DOP1B: variants seen among roughly 807,000 people sequenced by gnomAD.
DOP1B encodes the protein DOP1 leucine zipper like protein B.
A neutral mutation model predicts 233.5 loss-of-function variants in DOP1B; 174 were observed. That is an observed-to-expected ratio of 0.75 (90% CI 0.66 to 0.85). The LOEUF (loss-of-function observed/expected upper bound fraction) is 0.85. Among genes scored for constraint, DOP1B ranks in the 40% least tolerant of loss-of-function variants. The pLI is 0.00. For synonymous variants in DOP1B, 1,190 were observed against 1,185.6 expected (o/e 1.00, Z -0.08); for missense variants, 2,652 against 2,846.6 (o/e 0.93, Z 1.56).
chr21:36,280,507 A>G (rs531217286), intron 31 of DOP1B, among the ~76,000 whole-genome samples, 161 bp downstream of exon 31: 3 of 152,334 alleles, frequency 2.0e-5, no homozygotes, highest in African/African-American at 4.8e-5. Flanking sequence ...GACTAAATCA[A>G]TGAGTCTTTT....
rs117826994 is a variant in DOP1B, at chr21:36,271,932, G to T, written c.5632+1775G>T. ...CGGGTCGCCTGAGGTGATTACAAATGATCCTTTTTTTTTTTTTTTCAGGAT... is the reference window on the plus strand; with the variant it reads ...CGGGTCGCCTGAGGTGATTACAAATTATCCTTTTTTTTTTTTTTTCAGGAT... On this transcript the variant is annotated intron_variant, in intron 27 of 36. Transcript: ENST00000691173. Among the ~76,000 whole-genome samples the T allele has an allele frequency of 1.4e-3, 183 of 133,304 alleles. 1 individual carries two copies. In the East Asian group the frequency reaches 0.038, roughly 28 times the overall value. 87.5% of individuals were successfully genotyped at this position (133,304 alleles called of 152,430 possible). A position where few individuals can be genotyped will look rare whatever the true frequency, so the allele number is the denominator to read the frequency against.
Position 36,199,117 on chromosome 21 carries a change from C to T in DOP1B, c.186C>T (p.Leu62=), listed in dbSNP as rs777535290. The T allele has an allele frequency of 5.6e-6, 9 of 1,614,038 alleles. No individual in the cohort carries two copies. The highest frequency in any genetic ancestry group is 7.6e-6 in the Non-Finnish European group (9 of 1,180,032). ...ACTCCTTGTTGCCAAGACGGCTCCT[C>T]ATCAGCAAAAGATTAGCTCAGTGTT... ...LRYSLLPRRL[L]ISKRLAQCLH... The change falls in exon 3 of 37, where the codon CTC becomes CTT. Residue 62 remains leucine (L), a synonymous_variant. Transcript: ENST00000691173.
Position 36,289,214 on chromosome 21 carries a change from A to C in DOP1B, c.6515+8A>C. The C allele has an allele frequency of 6.2e-7, 1 of 1,611,284 alleles. No individual in the cohort carries two copies. Among genetic ancestry groups the C allele is most frequent in the Middle Eastern group, 1.7e-4 (1 of 6,054 alleles). ...GATGCCATTATTTCAAATGTAAGTC[A>C]GATAGGATCGTGTGTCCTTTTTGAA... On this transcript the variant is annotated splice_region_variant and intron_variant, in intron 35 of 36. Coordinates refer to ENST00000691173, the MANE Select transcript of DOP1B (RefSeq NM_001320714.2).
intron 2 of DOP1B, among the ~76,000 whole-genome samples, chr21:36,189,152 T>G (rs1306012233): frequency 1.3e-5 from 2 of 152,228 alleles, no homozygotes; most frequent in Admixed American, 6.5e-5. Context: ...GAAACAAAGA[T>G]ATTTTCTTGG....
intron 15 of DOP1B, among the ~76,000 whole-genome samples, chr21:36,234,429 T>C (rs1361258145): frequency 2.6e-5 from 4 of 152,226 alleles, no homozygotes; most frequent in Non-Finnish European, 5.9e-5. Flanking sequence ...AATACATTCC[T>C]TTTATTTTGG....
intron 23 of DOP1B, among the ~76,000 whole-genome samples, chr21:36,255,386 C>T (rs141229306): frequency 9.6e-4 from 146 of 152,014 alleles, no homozygotes; most frequent in African/African-American, 3.0e-3. Context: ...CTTGGCCTCC[C>T]GAAGTCCTGG....
At chr21:36,280,926 C>T (rs958140464) in intron 31 of DOP1B, among the ~76,000 whole-genome samples, 17 of 152,110 alleles carry the variant, frequency 1.1e-4, no homozygotes, top group African/African-American at 3.9e-4. Context: ...GGCATGAACC[C>T]GGGAGGCAGA....
intron 7 of DOP1B, 73 bp from the exon 8 acceptor site, chr21:36,214,008 T>G: frequency 7.4e-6 from 9 of 1,217,566 alleles, no homozygotes; most frequent in Non-Finnish European, 1.1e-5. Flanking sequence ...TATTGGAGCA[T>G]GAGACTTTTG....
At chr21:36,216,795 G>A (rs1435726553) in intron 9 of DOP1B, among the ~76,000 whole-genome samples, 1 of 151,588 alleles carries the variant, frequency 6.6e-6, no homozygotes, top group Admixed American at 6.6e-5. Context: ...GCTGAGGGCT[G>A]GCCGGGTGTG....
intron 4 of DOP1B, among the ~76,000 whole-genome samples, chr21:36,206,425 G>A (rs2066425859): frequency 6.6e-6 from 1 of 151,882 alleles, no homozygotes; most frequent in Non-Finnish European, 1.5e-5. Context: ...CAGCTACTCA[G>A]AGGCTGAGGC....
chr21:36,258,680 G>A (rs2067135453), intron 23 of DOP1B, among the ~76,000 whole-genome samples: 2 of 152,328 alleles, frequency 1.3e-5, no homozygotes, highest in South Asian at 2.1e-4. Context: ...TCGTTCCAGT[G>A]TTAATCGACA....
chr21:36,238,662 A>G lies in DOP1B; in HGVS notation c.2837A>G (p.Gln946Arg). The G allele has an allele frequency of 6.2e-7, 1 of 1,614,252 alleles. No homozygotes were observed. Among genetic ancestry groups the G allele is most frequent in the South Asian group, 1.1e-5 (1 of 91,080 alleles). The change falls in exon 17 of 37, where the codon CAA (glutamine) becomes CGA (arginine). Residue 946 changes from glutamine to arginine, a missense_variant. Around this residue, in one of 3 missense-constraint regions of DOP1B, gnomAD observed 2,617 missense variants for 2,794.3 expected, o/e 0.94. Coordinates refer to ENST00000691173, the MANE Select transcript of DOP1B (RefSeq NM_001320714.2). Reference protein sequence around the residue: ...SVIWHLTREIQGSRVTSHNRS... With the variant: ...SVIWHLTREIRGSRVTSHNRS... Reference sequence around the variant, plus strand: ...ATCTGGCATCTGACAAGAGAGATCCAAGGCAGTCGAGTAACATCTCACAAT... The same window carrying G: ...ATCTGGCATCTGACAAGAGAGATCCGAGGCAGTCGAGTAACATCTCACAAT...
At chr21:36,167,168 T>A (rs1243053637) in intron 2 of DOP1B, among the ~76,000 whole-genome samples, 2 of 152,068 alleles carry the variant, frequency 1.3e-5, no homozygotes, top group Non-Finnish European at 2.9e-5. Context: ...ACAGCCTACT[T>A]TTTCTTTCTT....
In DOP1B at chr21:36,270,075, C is replaced by A; in HGVS notation, c.5550C>A (p.Thr1850=). The change falls in exon 27 of 37, where the codon ACC becomes ACA. Residue 1850 remains threonine (T), a synonymous_variant. Transcript: ENST00000691173. Reference sequence around the variant, plus strand: ...TTGCCGGCTCTTCCTTGGAGCAAACCAGCTGGCTAAGCAGAAACCTGGAAG... The same window carrying A: ...TTGCCGGCTCTTCCTTGGAGCAAACAAGCTGGCTAAGCAGAAACCTGGAAG... ...GNIAGSSLEQ[T]SWLSRNLEVK... is the part of the protein sequence containing the mutation. 1 of 1,614,052 alleles carries A rather than the reference C, an allele frequency of 6.2e-7. No individual in the cohort carries two copies. Among genetic ancestry groups the A allele is most frequent in the Non-Finnish European group, 8.5e-7 (1 of 1,180,010 alleles).
intron 1 of DOP1B, among the ~76,000 whole-genome samples, chr21:36,157,166 A>G (rs2065827329): frequency 6.6e-6 from 1 of 151,790 alleles, no homozygotes; most frequent in Non-Finnish European, 1.5e-5. Flanking sequence ...GGGGCCGGAG[A>G]CCGGGAGGGC....
chr21:36,292,337 G>T, intron 36 of DOP1B, 104 bp downstream of exon 36: 2 of 858,494 alleles, frequency 2.3e-6, no homozygotes, highest in Non-Finnish European at 3.4e-6. Context: ...GCTTACTGCA[G>T]CCTCCACCTC....
chr21:36,182,062 G>T (rs1362966774), intron 2 of DOP1B, among the ~76,000 whole-genome samples: 2 of 152,136 alleles, frequency 1.3e-5, no homozygotes, highest in Non-Finnish European at 2.9e-5. Context: ...TTGTGTTTGG[G>T]GGTCATTCTT....
At position 36,213,385 on chromosome 21, in the gene DOP1B, C is replaced by G. The variant is rs905194165; in HGVS notation, c.905-696C>G. 5.3e-5 allele frequency among the ~76,000 whole-genome samples: 8 copies of G among 152,102 alleles called. No individual in the cohort carries two copies. The South Asian group carries it at 1.2e-3, about 24-fold the overall frequency. On this transcript the variant is annotated intron_variant, in intron 7 of 36. Transcript: ENST00000691173. ...TCTTTGCCCATACCATGAGGATGCACTTTCTTGCCCTGAGAACCTTGCAGA... is the reference window on the plus strand; with the variant it reads ...TCTTTGCCCATACCATGAGGATGCAGTTTCTTGCCCTGAGAACCTTGCAGA...
At chr21:36,293,297 T>C in intron 36 of DOP1B, 23 bp from the exon 37 acceptor site, 2 of 1,609,322 alleles carry the variant, frequency 1.2e-6, no homozygotes, top group Non-Finnish European at 1.7e-6. Flanking sequence ...CATATCATTG[T>C]TATGGGTTTG....
Sources: gnomAD v4.1 joint callset for allele counts (sites outside exome capture counted in the v4.1 genomes callset) on GRCh38, gnomAD v4.1.1 for gene constraint, gnomAD v4.1.1 regional missense constraint, MANE v1.5 for transcripts, NCBI Gene and HGNC (gene_info 2026-07-23, HGNC 2026-07-21) for gene names.